Variants in TRIO observed in about 807,000 individuals in gnomAD.
TRIO encodes triple functional domain protein.
Under a neutral mutation model 351.9 loss-of-function variants are expected in TRIO, and 58 were observed. That is an observed-to-expected ratio of 0.16 (90% CI 0.13 to 0.21). TRIO has a LOEUF of 0.21. Ranked by LOEUF, TRIO falls within the 10% of genes least tolerant of loss-of-function variation. TRIO has a pLI of 1.00. For synonymous variants in TRIO, 1,758 were observed against 1,595.7 expected, an observed-to-expected ratio of 1.10 and a Z score of -2.42; for missense variants, 3,201 against 4,027.8, an observed-to-expected ratio of 0.79 and a Z score of 5.56.
chr5:14,249,707 G>T (rs940787786), intron 1 of TRIO, among the ~76,000 whole-genome samples: 1 of 152,178 alleles, frequency 6.6e-6, no homozygotes, highest in Non-Finnish European at 1.5e-5. Context: ...TGGTTTAATA[G>T]AATTATGTAA....
intron 1 of TRIO, among the ~76,000 whole-genome samples, chr5:14,248,023 G>A (rs552343082): frequency 2.7e-5 from 4 of 145,694 alleles, no homozygotes; most frequent in East Asian, 2.1e-4. Flanking sequence ...CCGAGATTGC[G>A]CCACTGCACT....
intron 1 of TRIO, among the ~76,000 whole-genome samples, chr5:14,144,205 G>A (rs1408253040): frequency 6.6e-6 from 1 of 152,194 alleles, no homozygotes; most frequent in Non-Finnish European, 1.5e-5. Flanking sequence ...GGGTTGGGGC[G>A]CCGGCTCTTT....
At position 14,509,533 on chromosome 5, in the gene TRIO, A is replaced by G; in HGVS notation, c.*1111A>G. The G allele has an allele frequency of 5.2e-6, 2 of 383,384 alleles. No individual in the cohort carries two copies. The highest frequency in any genetic ancestry group is 3.7e-5 in the South Asian group (2 of 53,552). The allele number at this position is 383,384 out of a possible 1,614,324, so 23.7% of individuals were successfully genotyped here. On this transcript the variant is annotated 3_prime_UTR_variant, in exon 57 of 57. Coordinates refer to ENST00000344204, the MANE Select transcript of TRIO (RefSeq NM_007118.4). ...CTGGATAATAGGGTAATGTTTTAAA[A>G]TTTATTATGCTATTATTCAGAATGC...
intron 1 of TRIO, among the ~76,000 whole-genome samples, chr5:14,252,623 C>T (rs879516071): frequency 1.3e-5 from 2 of 152,252 alleles, no homozygotes; most frequent in Admixed American, 1.3e-4. Flanking sequence ...AAAACCATCC[C>T]TGAGACATCT....
intron 11 of TRIO, among the ~76,000 whole-genome samples, chr5:14,349,104 G>T (rs549114874): frequency 6.7e-6 from 1 of 149,018 alleles, no homozygotes; most frequent in Admixed American, 6.7e-5. Flanking sequence ...TTTCCTGTGT[G>T]TATATGTGTG....
At chr5:14,235,108 C>T (rs1368608120) in intron 1 of TRIO, among the ~76,000 whole-genome samples, 2 of 152,128 alleles carry the variant, frequency 1.3e-5, no homozygotes, top group African/African-American at 2.4e-5. Flanking sequence ...AGAAAAAATG[C>T]CATCTGTAGA....
chr5:14,264,174 T>C (rs1387774400), intron 1 of TRIO, among the ~76,000 whole-genome samples: 2 of 152,130 alleles, frequency 1.3e-5, no homozygotes, highest in African/African-American at 4.8e-5. Flanking sequence ...TATATATTTG[T>C]TTAAACTTTT....
chr5:14,269,762 T>C (rs1795883346), intron 1 of TRIO, among the ~76,000 whole-genome samples: 1 of 152,264 alleles, frequency 6.6e-6, no homozygotes, highest in East Asian at 1.9e-4. Flanking sequence ...TTCAGTACTT[T>C]CCTTGCCTTC....
intron 15 of TRIO, 120 bp from the exon 16 acceptor site, chr5:14,366,740 C>T: frequency 7.0e-7 from 1 of 1,428,380 alleles, no homozygotes; most frequent in Non-Finnish European, 9.5e-7. Context: ...ATGAAGGCAT[C>T]AGTGCCTCGT....
chr5:14,318,645 A>T lies in TRIO; in HGVS notation c.1731+1902A>T, dbSNP rs1366728200. The stretch of plus-strand genomic sequence containing the variant: ...CCAAGAAGATAATTGCCAGAGAAAG[A>T]ATACAGTGCAGGAAAGAAGAGGCTG... On this transcript the variant is annotated intron_variant, in intron 9 of 56. Transcript: ENST00000344204. Among the ~76,000 whole-genome samples, 4 of 152,334 alleles carry T rather than the reference A, an allele frequency of 2.6e-5. No individual in the cohort carries two copies. The South Asian group carries it at 8.3e-4, about 32-fold the overall frequency.
chr5:14,328,558 T>G (rs952944020), intron 9 of TRIO, among the ~76,000 whole-genome samples: 1 of 152,256 alleles, frequency 6.6e-6, no homozygotes, highest in Non-Finnish European at 1.5e-5. Context: ...TAAAATAATG[T>G]ACCGAATACA....
At chr5:14,272,121 A>G (rs1796013027) in intron 2 of TRIO, among the ~76,000 whole-genome samples, 1 of 152,250 alleles carries the variant, frequency 6.6e-6, no homozygotes, top group Admixed American at 6.5e-5. Flanking sequence ...CTAATCATTT[A>G]CTGACAAACT....
chr5:14,242,583 G>A (rs1794192972), intron 1 of TRIO, among the ~76,000 whole-genome samples: 1 of 152,080 alleles, frequency 6.6e-6, no homozygotes, highest in African/African-American at 2.4e-5. Context: ...GCTCCCCACT[G>A]CCCCCTTTTG....
chr5:14,182,871 C>CA (rs752623777), intron 1 of TRIO, among the ~76,000 whole-genome samples: 1 of 131,080 alleles, frequency 7.6e-6, no homozygotes, highest in Non-Finnish European at 1.6e-5. Flanking sequence ...GACCCCCCCC[C>CA]CTCCACTTTG....
At chr5:14,242,920 C>T (rs1410461501) in intron 1 of TRIO, among the ~76,000 whole-genome samples, 2 of 152,202 alleles carry the variant, frequency 1.3e-5, no homozygotes, top group Non-Finnish European at 2.9e-5. Flanking sequence ...CTAAATCCCT[C>T]TCTACTCCGG....
At chr5:14,425,249 C>A (rs1750547863) in intron 34 of TRIO, among the ~76,000 whole-genome samples, 1 of 152,252 alleles carries the variant, frequency 6.6e-6, no homozygotes, top group South Asian at 2.1e-4. Context: ...CAGCCCCTGG[C>A]ACTGCCCCTT....
At chr5:14,379,510 G>A (rs938212976) in intron 20 of TRIO, among the ~76,000 whole-genome samples, 1 of 152,182 alleles carries the variant, frequency 6.6e-6, no homozygotes, top group Non-Finnish European at 1.5e-5. Flanking sequence ...CGTTCCAGGT[G>A]TAGCCAGCAT....
intron 1 of TRIO, among the ~76,000 whole-genome samples, chr5:14,257,929 A>G (rs572866773): frequency 2.4e-4 from 36 of 152,358 alleles, no homozygotes; most frequent in African/African-American, 7.5e-4. Context: ...TACTGTTACA[A>G]CTGCTACTGT....
chr5:14,375,274 A>G (rs558591361), intron 19 of TRIO, among the ~76,000 whole-genome samples: 20 of 152,350 alleles, frequency 1.3e-4, no homozygotes, highest in African/African-American at 4.8e-4. Flanking sequence ...AGTTATTTGC[A>G]TTGATAATTG....
Sources: allele counts gnomAD v4.1 joint callset (sites outside exome capture counted in the v4.1 genomes callset), GRCh38; gene constraint gnomAD v4.1.1; transcripts MANE v1.5; gene names NCBI Gene and HGNC (gene_info 2026-07-23, HGNC 2026-07-21).